Variants in C1GALT1C1 observed in about 807,000 individuals in gnomAD.
C1GALT1C1 encodes C1GALT1-specific chaperone 1.
For synonymous variants in C1GALT1C1, 77 were observed against 77.9 expected (o/e 0.99, Z 0.06); for missense variants, 176 against 234.7 (o/e 0.75, Z 1.63).
chrX:120,628,561 T>C (rs1927251534), intron 1 of C1GALT1C1, among the ~76,000 whole-genome samples: 1 of 112,038 alleles, frequency 8.9e-6, no homozygotes, highest in African/African-American at 3.2e-5. Context: ...TCAATATCAG[T>C]TTAATGGTTT....
intron 1 of C1GALT1C1, among the ~76,000 whole-genome samples, chrX:120,629,403 C>T (rs1371649379): frequency 9.0e-6 from 1 of 111,510 alleles, no homozygotes; most frequent in African/African-American, 3.3e-5. Flanking sequence ...CAGAATTCTT[C>T]CTGATGGTGA....
rs764157119 is a variant in C1GALT1C1 at position 120,626,736 on chromosome X, C to T, written c.431G>A (p.Arg144His). The T allele has an allele frequency of 5.8e-6, 7 of 1,211,299 alleles. No homozygotes were observed. The highest frequency in any genetic ancestry group is 7.8e-6 in the Non-Finnish European group (7 of 895,301). The change falls in exon 2 of 2, where the codon CGC becomes CAC. Residue 144 changes from arginine (R) to histidine (H), a missense_variant. Transcript: ENST00000304661. ...RDQYNWFFLARPTTFAIIENL... is the reference protein window; with the variant it reads ...RDQYNWFFLAHPTTFAIIENL... ...TTCAATGATAGCAAACGTAGTGGGG[C>T]GTGCAAGGAAGAACCAGTTGTATTG... is the stretch of plus-strand genomic sequence containing the variant.
rs1658039233 is a variant in C1GALT1C1, at chrX:120,626,020, CATGTGTTTTAAAGAA to C, written c.*175_*189del. 2.9e-6 allele frequency: 1 copy of C among 347,041 alleles called. No individual in the cohort carries two copies. Among genetic ancestry groups the C allele is most frequent in the African/African-American group, 2.5e-5 (1 of 39,296 alleles). 28.6% of individuals were successfully genotyped at this position (347,041 alleles called of 1,213,427 possible). On this transcript the variant is annotated 3_prime_UTR_variant, in exon 2 of 2. Transcript: ENST00000304661. ...TTCTTTCCAACACATTTACAATGTT[CATGTGTTTTAAAGAA>C]AAAAACCACCCTCATTTAAAAATGT... is the stretch of plus-strand genomic sequence containing the variant.
At chrX:120,627,427 T>C (rs1294877079) in intron 1 of C1GALT1C1, 1 of 224,829 alleles carries the variant, frequency 4.4e-6, no homozygotes, top group African/African-American at 2.9e-5. Flanking sequence ...TTGCACTTCA[T>C]CTATGGGGAT....
intron 1 of C1GALT1C1, among the ~76,000 whole-genome samples, chrX:120,627,668 C>T (rs1271859496): frequency 1.8e-5 from 2 of 112,056 alleles, no homozygotes; most frequent in Non-Finnish European, 3.8e-5. Flanking sequence ...TGGCTGCTGT[C>T]CTTAAGTGTT....
At chrX:120,628,528 A>G (rs1363328780) in intron 1 of C1GALT1C1, among the ~76,000 whole-genome samples, 1 of 112,354 alleles carries the variant, frequency 8.9e-6, no homozygotes. Context: ...ACAGTGGTAT[A>G]AGTGGACTAG....
rs1041939303 is a variant in C1GALT1C1, at chrX:120,626,652, G to C, written c.515C>G (p.Thr172Ser). 8 of 1,207,291 alleles carry C rather than the reference G, an allele frequency of 6.6e-6. No homozygotes were observed. The highest frequency in any genetic ancestry group is 9.0e-6 in the Non-Finnish European group (8 of 893,828). ...DPSQPFYLGHTIKSGDLEYVG... is the reference protein window; with the variant it reads ...DPSQPFYLGHSIKSGDLEYVG... ...ATATTCAAGGTCTCCAGATTTTATA[G>C]TGTGGCCTAGATAGAAAGGCTGTGA... Residue 172 changes from threonine to serine, a missense_variant, in exon 2 of 2, where the codon ACT becomes AGT. By Grantham distance (58) the Thr-to-Ser change is moderately conservative. Transcript: ENST00000304661.
At chrX:120,627,972 C>T (rs1927233187) in intron 1 of C1GALT1C1, among the ~76,000 whole-genome samples, 1 of 111,928 alleles carries the variant, frequency 8.9e-6, no homozygotes, top group Non-Finnish European at 1.9e-5. Context: ...GGTGCAGTGG[C>T]TCATGGCTGT....
At chrX:120,629,782 G>C (rs1018238883) in intron 1 of C1GALT1C1, 135 bp downstream of exon 1, 1 of 112,034 alleles carries the variant, frequency 8.9e-6, no homozygotes, top group African/African-American at 3.2e-5. Flanking sequence ...CTCCTGTGCT[G>C]ACAATCCTCC....
intron 1 of C1GALT1C1, among the ~76,000 whole-genome samples, chrX:120,627,616 T>C (rs752597916): frequency 1.8e-5 from 2 of 112,651 alleles, no homozygotes; most frequent in East Asian, 5.5e-4. Context: ...AATGGTATTG[T>C]GCTGACATTT....
intron 1 of C1GALT1C1, among the ~76,000 whole-genome samples, chrX:120,628,269 A>G (rs1927243344): frequency 8.9e-6 from 1 of 112,310 alleles, no homozygotes; most frequent in Admixed American, 9.5e-5. Flanking sequence ...AAGAAATTAA[A>G]AGCTGACATT....
intron 1 of C1GALT1C1, 139 bp downstream of exon 1, chrX:120,629,778 T>C (rs1344129249): frequency 1.8e-5 from 2 of 111,783 alleles, no homozygotes; most frequent in Non-Finnish European, 3.8e-5. Context: ...CGGTCTCCTG[T>C]GCTGACAATC....
In C1GALT1C1 at chrX:120,626,220, T is replaced by C; in HGVS notation, c.947A>G (p.Asp316Gly). ...ALVFLPPNGS[D>G]ND Reference sequence around the variant, plus strand: ...CTTTTCTACCACTTCTCAGTCATTGTCAGAACCATTTGGAGGTAAGAAAAC... The same window carrying C: ...CTTTTCTACCACTTCTCAGTCATTGCCAGAACCATTTGGAGGTAAGAAAAC... The change falls in exon 2 of 2, where the codon GAC (aspartate) becomes GGC (glycine). Residue 316 changes from aspartate to glycine, a missense_variant. Physicochemically the swap from Asp to Gly is moderately conservative, Grantham distance 94. Coordinates refer to ENST00000304661, the MANE Select transcript of C1GALT1C1 (RefSeq NM_001011551.3). 2 of 1,206,392 alleles carry C rather than the reference T, an allele frequency of 1.7e-6. No individual in the cohort carries two copies. The highest frequency in any genetic ancestry group is 2.2e-6 in the Non-Finnish European group (2 of 890,998).
rs16995907 is a variant in C1GALT1C1, at chrX:120,626,176, T to A, written c.*34A>T. ...ACAAATAATGACAACACACGTCCTA[T>A]ACAAAGATCATATTCACGCTTTTCT... is the stretch of plus-strand genomic sequence containing the variant. On this transcript the variant is annotated 3_prime_UTR_variant, in exon 2 of 2. Coordinates refer to ENST00000304661, the MANE Select transcript of C1GALT1C1 (RefSeq NM_001011551.3). 9.0e-7 allele frequency: 1 copy of A among 1,116,750 alleles called. No homozygotes were observed. Among genetic ancestry groups the A allele is most frequent in the Non-Finnish European group, 1.2e-6 (1 of 818,412 alleles). 92.0% of individuals were successfully genotyped at this position (1,116,750 alleles called of 1,213,427 possible). A position where few individuals can be genotyped will look rare whatever the true frequency, so the allele number is the denominator to read the frequency against.
chrX:120,629,085 G>A (rs1290699266), intron 1 of C1GALT1C1, among the ~76,000 whole-genome samples: 1 of 110,185 alleles, frequency 9.1e-6, no homozygotes, highest in Admixed American at 9.7e-5. Flanking sequence ...AAATTAGCCG[G>A]GCATGGTGGC....
Position 120,627,096 on chromosome X carries a change from A to G in C1GALT1C1, c.71T>C (p.Met24Thr). 1 of 1,193,255 alleles carries G rather than the reference A, an allele frequency of 8.4e-7. No homozygotes were observed. The highest frequency in any genetic ancestry group is 1.1e-6 in the Non-Finnish European group (1 of 884,920). Reference protein sequence around the residue: ...LGSIFCALITMLGHIRIGHGN... With the variant: ...LGSIFCALITTLGHIRIGHGN... ...ATGACCAATCCTAATGTGTCCTAGC[A>G]TAGTGATCAAAGCACAGAAAATGCT... Residue 24 changes from methionine (M) to threonine (T), a missense_variant, in exon 2 of 2, where the codon ATG (methionine) becomes ACG (threonine). Physicochemically the swap from Met to Thr is moderately conservative, Grantham distance 81. Coordinates refer to ENST00000304661, the MANE Select transcript of C1GALT1C1 (RefSeq NM_001011551.3).
chrX:120,626,498 T>G lies in C1GALT1C1; in HGVS notation c.669A>C (p.Leu223=). ...CTCCAGCATATTTCAGGCAAACTGC[T>G]AGCTGTTTATCTTCAGATATCTTCC... ...MIWKISEDKQ[L]AVCLKYAGVF... The change falls in exon 2 of 2, where the codon CTA becomes CTC. Residue 223 remains leucine (L), a synonymous_variant. Coordinates refer to ENST00000304661, the MANE Select transcript of C1GALT1C1 (RefSeq NM_001011551.3). 1 of 1,212,248 alleles carries G rather than the reference T, an allele frequency of 8.2e-7. No homozygotes were observed. Among genetic ancestry groups the G allele is most frequent in the Non-Finnish European group, 1.1e-6 (1 of 895,637 alleles).
At position 120,626,816 on chromosome X, in the gene C1GALT1C1, G is replaced by T. The variant is rs375517130; in HGVS notation, c.351C>A (p.Asp117Glu). ...VFESINMDTNDMWLMMRKAYK... is the reference protein window; with the variant it reads ...VFESINMDTNEMWLMMRKAYK... The stretch of plus-strand genomic sequence containing the variant: ...AAGCTTTTCTCATCATTAACCACAT[G>T]TCATTTGTGTCCATATTAATTGACT... Residue 117 changes from aspartate to glutamate, a missense_variant, in exon 2 of 2, where the codon GAC (aspartate) becomes GAA (glutamate). Physicochemically the swap from Asp to Glu is conservative, Grantham distance 45. Transcript: ENST00000304661. The T allele has an allele frequency of 1.7e-6, 2 of 1,208,205 alleles. No homozygotes were observed. Among genetic ancestry groups the T allele is most frequent in the Non-Finnish European group, 2.2e-6 (2 of 893,961 alleles).
chrX:120,627,050 A>G lies in C1GALT1C1; in HGVS notation c.117T>C (p.His39=), dbSNP rs1927202061. 4 of 1,208,435 alleles carry G rather than the reference A, an allele frequency of 3.3e-6. No individual in the cohort carries two copies. The highest frequency in any genetic ancestry group is 3.5e-5 in the African/African-American group (2 of 57,047). Residue 39 remains histidine, a synonymous_variant, in exon 2 of 2, where the codon CAT becomes CAC. Coordinates refer to ENST00000304661, the MANE Select transcript of C1GALT1C1 (RefSeq NM_001011551.3). ...TAGGAGCTTGTAGGTGATGATGCTCATGGTGGTGCATTCTATTTCCATGAC... is the reference window on the plus strand; with the variant it reads ...TAGGAGCTTGTAGGTGATGATGCTCGTGGTGGTGCATTCTATTTCCATGAC... The part of the protein sequence containing the change: ...RIGHGNRMHH[H]EHHHLQAPNK...
Sources: allele counts gnomAD v4.1 joint callset (sites outside exome capture counted in the v4.1 genomes callset), GRCh38; gene constraint gnomAD v4.1.1; transcripts MANE v1.5; gene names NCBI Gene and HGNC (gene_info 2026-07-23, HGNC 2026-07-21).